The following PRIM2 variants were observed in gnomAD, a reference collection of about 807,000 sequenced individuals.
PRIM2 encodes DNA primase large subunit.
A neutral mutation model predicts 67.3 loss-of-function variants in PRIM2; 39 were observed. The observed-to-expected ratio is 0.58, with a 90% confidence interval of 0.45 to 0.76. The LOEUF is 0.76. PRIM2 is among the 30% of genes least tolerant of loss of function. The pLI, the probability that PRIM2 is intolerant of heterozygous loss-of-function variation, is 0.00. For synonymous variants in PRIM2, 143 were observed against 198.7 expected (o/e 0.72, Z 2.36); for missense variants, 398 against 598.7 (o/e 0.66, Z 3.50).
At chr6:57,286,097 G>C in the PRIM2 span, among the ~76,000 whole-genome samples, 1 of 150,848 alleles carries the variant, frequency 6.6e-6, no homozygotes, top group African/African-American at 2.5e-5. Flanking sequence ...ACTGCTCAAG[G>C]AAATAAGACA....
At chr6:57,317,317 G>C (rs574790902), upstream of PRIM2, among the ~76,000 whole-genome samples, 1 of 152,298 alleles carries the variant, frequency 6.6e-6, no homozygotes, top group East Asian at 1.9e-4. Context: ...ATTTGTTAGT[G>C]TCCCCAGACG....
At chr6:57,429,238 G>A (rs1362468642) in intron 7 of PRIM2, among the ~76,000 whole-genome samples, 3 of 152,148 alleles carry the variant, frequency 2.0e-5, no homozygotes, top group Non-Finnish European at 2.9e-5. Flanking sequence ...AAGGACAAGT[G>A]GATATTTATA....
intron 13 of PRIM2, among the ~76,000 whole-genome samples, chr6:57,641,834 A>G (rs1777241921): frequency 6.6e-6 from 1 of 152,218 alleles, no homozygotes. Context: ...CGATTTCTCA[A>G]GGATCTAGAA....
intron 7 of PRIM2, among the ~76,000 whole-genome samples, chr6:57,444,201 T>C (rs1173050377): frequency 6.6e-6 from 1 of 151,986 alleles, no homozygotes; most frequent in East Asian, 1.9e-4. Flanking sequence ...CTAGACATAA[T>C]CCTGTGTAGT....
At chr6:57,455,962 C>G (rs1772760692) in intron 7 of PRIM2, among the ~76,000 whole-genome samples, 1 of 152,106 alleles carries the variant, frequency 6.6e-6, no homozygotes, top group Non-Finnish European at 1.5e-5. Flanking sequence ...CCTTCAGGAG[C>G]TCTTTTAGGG....
At chr6:57,344,440 ATTTG>A (rs1290792541) in intron 5 of PRIM2, among the ~76,000 whole-genome samples, 6 of 151,242 alleles carry the variant, frequency 4.0e-5, no homozygotes, top group African/African-American at 1.5e-4. Flanking sequence ...GCAAACTTTT[ATTTG>A]TTCTGTTTCT....
chr6:57,602,723 A>G (rs1417984439), intron 11 of PRIM2, among the ~76,000 whole-genome samples: 1 of 152,198 alleles, frequency 6.6e-6, no homozygotes, highest in African/African-American at 2.4e-5. Flanking sequence ...TTGTTATCCC[A>G]GTGCTTTATG....
intron 7 of PRIM2, among the ~76,000 whole-genome samples, chr6:57,419,244 G>T (rs1771381799): frequency 6.6e-6 from 1 of 152,060 alleles, no homozygotes; most frequent in Non-Finnish European, 1.5e-5. Flanking sequence ...CATTGATGGG[G>T]AATGACTGGT....
intron 5 of PRIM2, 162 bp downstream of exon 5, chr6:57,326,207 C>G (rs1476585113): frequency 1.6e-6 from 1 of 634,012 alleles, no homozygotes; most frequent in African/African-American, 2.7e-5. Context: ...CTTTCCTTCT[C>G]TATGACTAGA....
chr6:57,476,002 TCAG>T (rs1296783025), intron 7 of PRIM2, among the ~76,000 whole-genome samples: 4 of 152,100 alleles, frequency 2.6e-5, no homozygotes, highest in Non-Finnish European at 5.9e-5. Context: ...GACTCCTAGG[TCAG>T]TGTTGTTGTT....
rs1489521408 is a variant in PRIM2 at position 57,549,798 on chromosome 6, G to GA, written c.1020+12180dup. Among the ~76,000 whole-genome samples the GA allele has an allele frequency of 3.9e-4, 59 of 152,102 alleles. No individual in the cohort carries two copies. In the South Asian group the frequency reaches 9.3e-3, roughly 24 times the overall value. ...CCTAGGAAAGTAATTTGAATGTAAT[G>GA]AAAAAAATAGTTTCTTATGGCTCAC... On this transcript the variant is annotated intron_variant, in intron 10 of 13. Coordinates refer to ENST00000615550, the MANE Select transcript of PRIM2 (RefSeq NM_000947.5).
chr6:57,286,751 G>A, the PRIM2 span, among the ~76,000 whole-genome samples: 1 of 152,166 alleles, frequency 6.6e-6, no homozygotes, highest in African/African-American at 2.4e-5. Flanking sequence ...AGCCGAAATT[G>A]AAAAATGGGA....
At chr6:57,237,575 T>C in the PRIM2 span, among the ~76,000 whole-genome samples, 145,624 of 152,204 alleles carry the variant, frequency 0.96, 69,699 homozygotes, top group South Asian at 0.99. Context: ...TTTAATCCAC[T>C]TTGAATTAAT....
intron 10 of PRIM2, among the ~76,000 whole-genome samples, chr6:57,565,550 C>T (rs1334282230): frequency 1.3e-5 from 2 of 151,870 alleles, no homozygotes; most frequent in Non-Finnish European, 2.9e-5. Flanking sequence ...TGTGGTCAGG[C>T]AGACAGGAGA....
At chr6:57,439,409 T>G (rs868981227) in intron 7 of PRIM2, among the ~76,000 whole-genome samples, 19 of 104,208 alleles carry the variant, frequency 1.8e-4, no homozygotes, top group Non-Finnish European at 3.0e-4. Context: ...ACTCTGTTTT[T>G]TTTTTTTTTT....
chr6:57,224,646 AAAG>A, the PRIM2 span, among the ~76,000 whole-genome samples: 1 of 152,212 alleles, frequency 6.6e-6, no homozygotes, highest in Non-Finnish European at 1.5e-5. Context: ...GAAAAAAAAA[AAAG>A]AAAATCTTAG....
the PRIM2 span, among the ~76,000 whole-genome samples, chr6:57,240,088 T>G: frequency 9.5e-6 from 1 of 105,816 alleles, no homozygotes; most frequent in Non-Finnish European, 1.8e-5. Flanking sequence ...GGATCAATAA[T>G]CTGTTTTTTT....
chr6:57,427,468 G>A (rs574588364), intron 7 of PRIM2, among the ~76,000 whole-genome samples: 4 of 151,996 alleles, frequency 2.6e-5, no homozygotes, highest in East Asian at 1.9e-4. Context: ...CCAGGCATGC[G>A]CCACCAAGCC....
At chr6:57,571,256 T>C (rs1174502204) in intron 10 of PRIM2, among the ~76,000 whole-genome samples, 3 of 152,190 alleles carry the variant, frequency 2.0e-5, no homozygotes, top group Non-Finnish European at 4.4e-5. Flanking sequence ...CTTTAAATTA[T>C]TATCAAAGCA....
Sources: allele counts gnomAD v4.1 joint callset (sites outside exome capture counted in the v4.1 genomes callset), GRCh38; gene constraint gnomAD v4.1.1; transcripts MANE v1.5; gene names NCBI Gene and HGNC (gene_info 2026-07-23, HGNC 2026-07-21).